The following FOXP1 variants were observed in gnomAD, a reference collection of about 807,000 sequenced individuals.
The protein encoded by FOXP1 is forkhead box protein P1.
A neutral mutation model predicts 98.2 loss-of-function variants in FOXP1; 15 were observed. The ratio of observed to expected loss-of-function variants is 0.15; its 90% CI spans 0.10 to 0.24. FOXP1 has a LOEUF of 0.24. Ranked by LOEUF, FOXP1 falls within the 10% of genes least tolerant of loss-of-function variation. FOXP1 has a pLI of 1.00. For synonymous variants in FOXP1, 371 were observed against 314.5 expected (o/e 1.18, Z -1.90); for missense variants, 633 against 848.5 (o/e 0.75, Z 3.15).
chr3:71,267,760 G>A (rs566562803), intron 5 of FOXP1, among the ~76,000 whole-genome samples: 8 of 152,266 alleles, frequency 5.3e-5, no homozygotes, highest in African/African-American at 1.7e-4. Flanking sequence ...GCTCATGCCT[G>A]TAATTCCAGC....
intron 6 of FOXP1, among the ~76,000 whole-genome samples, chr3:71,158,105 AAGGGAGGGAGGGAGGGAGGG>A (rs1160240201): frequency 8.8e-5 from 3 of 34,088 alleles, no homozygotes; most frequent in African/African-American, 1.9e-4. Context: ...GGAAGGAAGG[AAGGGAGGGAGGGAGGGAGGG>A]AGGGAGGGAG....
chr3:71,065,187 T>C (rs1185330638), intron 7 of FOXP1, among the ~76,000 whole-genome samples: 2 of 151,340 alleles, frequency 1.3e-5, no homozygotes, highest in African/African-American at 2.4e-5. Flanking sequence ...GTTAACCCGG[T>C]GACCCGCCTC....
chr3:71,294,573 A>G (rs1217097300), intron 5 of FOXP1, among the ~76,000 whole-genome samples: 1 of 152,098 alleles, frequency 6.6e-6, no homozygotes, highest in East Asian at 1.9e-4. Context: ...ACCCACCAAT[A>G]AACATCTGCA....
At chr3:71,397,033 T>TAC in intron 3 of FOXP1, among the ~76,000 whole-genome samples, 1 of 77,048 alleles carries the variant, frequency 1.3e-5, no homozygotes, top group Non-Finnish European at 2.6e-5. Context: ...TACATATATA[T>TAC]GTGTATATAT....
At chr3:71,543,750 ACT>A (rs2045090272) in intron 2 of FOXP1, among the ~76,000 whole-genome samples, 1 of 152,186 alleles carries the variant, frequency 6.6e-6, no homozygotes, top group African/African-American at 2.4e-5. Context: ...ATATCCCTCT[ACT>A]TCTGTGCCTG....
At chr3:71,048,272 C>G (rs2049316995) in intron 9 of FOXP1, among the ~76,000 whole-genome samples, 1 of 152,172 alleles carries the variant, frequency 6.6e-6, no homozygotes, top group Non-Finnish European at 1.5e-5. Flanking sequence ...CATGTTCTGG[C>G]TAATAACTAT....
At chr3:71,397,954 A>G (rs1458545963) in intron 3 of FOXP1, among the ~76,000 whole-genome samples, 3 of 152,342 alleles carry the variant, frequency 2.0e-5, no homozygotes, top group Non-Finnish European at 4.4e-5. Flanking sequence ...GAAGAAGCAG[A>G]GAGAGTGGGG....
intron 12 of FOXP1, among the ~76,000 whole-genome samples, chr3:71,008,649 T>C (rs888589088): frequency 1.3e-5 from 2 of 152,072 alleles, no homozygotes; most frequent in African/African-American, 4.8e-5. Context: ...ATGCATACAA[T>C]AGACTGGGTA....
intron 5 of FOXP1, among the ~76,000 whole-genome samples, chr3:71,264,154 A>G (rs922536724): frequency 1.3e-5 from 2 of 152,208 alleles, no homozygotes; most frequent in African/African-American, 4.8e-5. Flanking sequence ...GTTTTAGGGT[A>G]AGAAGCATGT....
At chr3:71,361,594 G>C (rs2078574791) in intron 3 of FOXP1, among the ~76,000 whole-genome samples, 1 of 152,160 alleles carries the variant, frequency 6.6e-6, no homozygotes, top group African/African-American at 2.4e-5. Context: ...TGTAGGTCCG[G>C]CTTCTCTCCT....
chr3:71,290,689 T>C (rs950336001), intron 5 of FOXP1, among the ~76,000 whole-genome samples: 2 of 152,218 alleles, frequency 1.3e-5, no homozygotes, highest in Admixed American at 1.3e-4. Flanking sequence ...ATGTTGTCTC[T>C]TACTACAACT....
Position 71,561,407 on chromosome 3 carries a change from C to CAAAAAAAAAAAAAAAAA in FOXP1, c.-298+20125_-298+20141dup, listed in dbSNP as rs56792827. On this transcript the variant is annotated intron_variant, in intron 2 of 20. Coordinates refer to ENST00000649528, the MANE Select transcript of FOXP1 (RefSeq NM_001349338.3). ...TGAATTCTATCTCAATAAAGCTGGC[C>CAAAAAAAAAAAAAAAAA]AAAAAAAAAAAAAAAAAAAGCCAGC... Among the ~76,000 whole-genome samples, 2 of 40,312 alleles carry CAAAAAAAAAAAAAAAAA rather than the reference C, an allele frequency of 5.0e-5. 1 individual carries two copies. Among genetic ancestry groups the CAAAAAAAAAAAAAAAAA allele is most frequent in the African/African-American group, 1.2e-4 (2 of 16,328 alleles). 26.4% of individuals were successfully genotyped at this position (40,312 alleles called of 152,430 possible).
intron 3 of FOXP1, among the ~76,000 whole-genome samples, chr3:71,490,255 G>A (rs976580465): frequency 2.0e-5 from 3 of 152,076 alleles, no homozygotes; most frequent in Non-Finnish European, 1.5e-5. Flanking sequence ...CTAGAACTTT[G>A]GGAGGCTCAG....
chr3:71,017,415 T>C (rs913808305), intron 11 of FOXP1, among the ~76,000 whole-genome samples: 2 of 151,912 alleles, frequency 1.3e-5, no homozygotes, highest in Non-Finnish European at 2.9e-5. Context: ...ACTTTAATAA[T>C]TATTTTCTTT....
chr3:71,377,768 A>G lies in FOXP1; in HGVS notation c.-167-18524T>C, dbSNP rs907615885. Among the ~76,000 whole-genome samples, 4 of 152,246 alleles carry G rather than the reference A, an allele frequency of 2.6e-5. No individual in the cohort carries two copies. The East Asian group carries it at 5.8e-4, about 22-fold the overall frequency. ...AAGAAGCTGTTTTGAAATTAAGAAC[A>G]TCTTTTGAGCTGGTAACACGAAGAC... On this transcript the variant is annotated intron_variant, in intron 3 of 20. Coordinates refer to ENST00000649528, the MANE Select transcript of FOXP1 (RefSeq NM_001349338.3).
intron 2 of FOXP1, among the ~76,000 whole-genome samples, chr3:71,499,481 T>G (rs759859263): frequency 2.6e-5 from 4 of 152,226 alleles, no homozygotes; most frequent in Admixed American, 2.6e-4. Context: ...CATACAGACA[T>G]GCAGATATAT....
intron 5 of FOXP1, among the ~76,000 whole-genome samples, chr3:71,201,414 G>A (rs2063664810): frequency 6.6e-6 from 1 of 152,208 alleles, no homozygotes; most frequent in South Asian, 2.1e-4. Context: ...GGGAGGCCAA[G>A]GCAGGCAGAT....
chr3:71,120,434 G>A (rs2058677380), intron 6 of FOXP1, among the ~76,000 whole-genome samples: 1 of 152,198 alleles, frequency 6.6e-6, no homozygotes, highest in Non-Finnish European at 1.5e-5. Context: ...TTTAATAACA[G>A]CTGATATTTA....
intron 5 of FOXP1, among the ~76,000 whole-genome samples, chr3:71,257,085 T>G (rs972071769): frequency 1.3e-5 from 2 of 152,200 alleles, no homozygotes; most frequent in Admixed American, 1.3e-4. Context: ...TGATGCTGAT[T>G]CACGGGAGGA....
Sources: allele counts gnomAD v4.1 joint callset (sites outside exome capture counted in the v4.1 genomes callset), GRCh38; gene constraint gnomAD v4.1.1; transcripts MANE v1.5; gene names NCBI Gene and HGNC (gene_info 2026-07-23, HGNC 2026-07-21).